Variants in SESTD1 observed in about 807,000 individuals in gnomAD.
SESTD1 encodes SEC14 and spectrin domain containing 1.
Under a neutral mutation model 101.7 loss-of-function variants are expected in SESTD1, and 43 were observed. That is an observed-to-expected ratio of 0.42 (90% CI 0.33 to 0.55). The LOEUF (loss-of-function observed/expected upper bound fraction) is 0.55, where lower values mean the gene tolerates loss of function less well. Ranked by LOEUF, SESTD1 falls within the 20% of genes least tolerant of loss-of-function variation. SESTD1 has a pLI of 0.07. For synonymous variants in SESTD1, 283 were observed against 286.8 expected (o/e 0.99, Z 0.13); for missense variants, 647 against 815.1 (o/e 0.79, Z 2.51).
intron 1 of SESTD1, among the ~76,000 whole-genome samples, chr2:179,257,487 CAG>C (rs1005869847): frequency 5.3e-5 from 8 of 152,186 alleles, no homozygotes; most frequent in African/African-American, 1.9e-4. Flanking sequence ...CACTGAGAAA[CAG>C]AAAATCGTGT....
chr2:179,112,706 TAAG>T lies in SESTD1; in HGVS notation c.1961+15_1961+17del, dbSNP rs746395876. On this transcript the variant is annotated intron_variant, in intron 17 of 17. Coordinates refer to ENST00000428443, the MANE Select transcript of SESTD1 (RefSeq NM_178123.5). The stretch of plus-strand genomic sequence containing the variant: ...ACCACACCAATAAAAAATAAAATTA[TAAG>T]AACATGCCCCATACCCATCAGGATA... 7.0e-6 allele frequency: 11 copies of T among 1,571,782 alleles called. No homozygotes were observed. The Admixed American group carries it at 2.3e-4, about 32-fold the overall frequency.
chr2:179,260,852 T>G (rs1043572298), intron 1 of SESTD1, among the ~76,000 whole-genome samples: 2 of 152,156 alleles, frequency 1.3e-5, no homozygotes, highest in African/African-American at 2.4e-5. Flanking sequence ...TGTCTGTATG[T>G]ATGGTAAAAT....
At chr2:179,235,697 G>A (rs2047056359) in intron 1 of SESTD1, among the ~76,000 whole-genome samples, 2 of 152,026 alleles carry the variant, frequency 1.3e-5, no homozygotes, top group African/African-American at 4.8e-5. Context: ...CCGCCTTTAC[G>A]CACTTGCAAA....
intron 9 of SESTD1, among the ~76,000 whole-genome samples, chr2:179,138,290 T>C (rs1431456836): frequency 6.6e-6 from 1 of 152,192 alleles, no homozygotes; most frequent in Non-Finnish European, 1.5e-5. Context: ...TGTCTTTCTG[T>C]CATAATCACT....
chr2:179,115,535 G>A (rs186004361), intron 15 of SESTD1, among the ~76,000 whole-genome samples: 110 of 152,074 alleles, frequency 7.2e-4, no homozygotes, highest in Non-Finnish European at 1.4e-3. Flanking sequence ...ATTGCTTGAA[G>A]TTAGGAGTTC....
chr2:179,135,179 G>A (rs2045111611), intron 9 of SESTD1, among the ~76,000 whole-genome samples: 1 of 151,992 alleles, frequency 6.6e-6, no homozygotes, highest in Non-Finnish European at 1.5e-5. Context: ...TCCTGACCTC[G>A]TGATGCACCT....
At chr2:179,220,145 C>T (rs1051406541) in intron 1 of SESTD1, among the ~76,000 whole-genome samples, 1 of 152,000 alleles carries the variant, frequency 6.6e-6, no homozygotes, top group African/African-American at 2.4e-5. Context: ...ACTTAAAAAC[C>T]CTTTTCAAAA....
intron 5 of SESTD1, among the ~76,000 whole-genome samples, chr2:179,171,040 C>T (rs1242139505): frequency 6.6e-6 from 1 of 152,142 alleles, no homozygotes; most frequent in Non-Finnish European, 1.5e-5. Context: ...CTTGTGAGTA[C>T]AGAAACAGTT....
rs1169029194 is a variant in SESTD1 at position 179,124,361 on chromosome 2, T to C, written c.1167+3A>G. The C allele has an allele frequency of 6.2e-7, 1 of 1,613,184 alleles. No homozygotes were observed. The highest frequency in any genetic ancestry group is 1.1e-5 in the South Asian group (1 of 90,984). ...AAAGAAAAGAATCAGAATAGACACT[T>C]ACATCTTGGGCAACACCATGAAATT... On this transcript the variant is annotated splice_donor_region_variant and intron_variant, in intron 11 of 17. Transcript: ENST00000428443.
At position 179,112,740 on chromosome 2, in the gene SESTD1, C is replaced by T. The variant is rs143992866; in HGVS notation, c.1945G>A (p.Val649Ile). 2.0e-5 allele frequency: 32 copies of T among 1,612,238 alleles called. 1 individual carries two copies. The highest frequency in any genetic ancestry group is 1.2e-4 in the South Asian group (11 of 90,984). Reference sequence around the variant, plus strand: ...GCCCCATACCCATCAGGATAAACTACTGGAACAGTTAATCTATCCAAAAGT... The same window carrying T: ...GCCCCATACCCATCAGGATAAACTATTGGAACAGTTAATCTATCCAAAAGT... ...KSLLDRLTVP[V>I]VYPDGTEQYF... The change falls in exon 17 of 18, where the codon GTA becomes ATA. Residue 649 changes from valine to isoleucine, a missense_variant. By Grantham distance (29) the Val-to-Ile change is conservative. Around this residue, in one of 3 missense-constraint regions of SESTD1, gnomAD observed 476 missense variants for 562.6 expected, o/e 0.85. Coordinates refer to ENST00000428443, the MANE Select transcript of SESTD1 (RefSeq NM_178123.5).
intron 10 of SESTD1, among the ~76,000 whole-genome samples, chr2:179,125,486 G>T (rs752484336): frequency 6.6e-5 from 10 of 152,158 alleles, no homozygotes; most frequent in Non-Finnish European, 1.5e-4. Flanking sequence ...AGCCGAACAT[G>T]GGTAGACTAA....
rs1380743097 is a variant in SESTD1 at position 179,149,372 on chromosome 2, T to A, written c.506A>T (p.Glu169Val). 1 of 1,604,744 alleles carries A rather than the reference T, an allele frequency of 6.2e-7. No homozygotes were observed. Among genetic ancestry groups the A allele is most frequent in the East Asian group, 2.2e-5 (1 of 44,516 alleles). ...AAGTTCATCTAATAATGATGTAGAT[T>A]CCTTTGTAAACTTCTCAAAAACCTA... Reference protein sequence around the residue: ...KRLVFEKFTKESTSLLDELAL... With the variant: ...KRLVFEKFTKVSTSLLDELAL... The change falls in exon 7 of 18, where the codon GAA becomes GTA. Residue 169 changes from glutamate to valine, a missense_variant. Around this residue, in one of 3 missense-constraint regions of SESTD1, gnomAD observed 168 missense variants for 235.1 expected, o/e 0.71. Transcript: ENST00000428443.
intron 2 of SESTD1, among the ~76,000 whole-genome samples, chr2:179,186,654 A>G (rs983272026): frequency 3.3e-5 from 5 of 151,332 alleles, no homozygotes; most frequent in African/African-American, 4.9e-5. Context: ...ACAGAACAGG[A>G]TAAGTATCAG....
At chr2:179,219,764 G>GC (rs1289876095) in intron 1 of SESTD1, among the ~76,000 whole-genome samples, 1 of 152,132 alleles carries the variant, frequency 6.6e-6, no homozygotes, top group Non-Finnish European at 1.5e-5. Flanking sequence ...ATCTGGTTTT[G>GC]CAACAATATT....
chr2:179,174,172 C>A (rs1460456676), intron 4 of SESTD1, among the ~76,000 whole-genome samples: 1 of 151,996 alleles, frequency 6.6e-6, no homozygotes, highest in East Asian at 1.9e-4. Context: ...GAAACCACAC[C>A]CCTCATTTTA....
chr2:179,188,495 G>T (rs963522301), intron 2 of SESTD1, among the ~76,000 whole-genome samples: 19 of 152,118 alleles, frequency 1.2e-4, no homozygotes, highest in African/African-American at 4.3e-4. Flanking sequence ...AAAATTGGCT[G>T]AGTATGGTGG....
intron 2 of SESTD1, among the ~76,000 whole-genome samples, chr2:179,183,968 T>A (rs1352315301): frequency 1.3e-5 from 2 of 152,004 alleles, no homozygotes; most frequent in Non-Finnish European, 2.9e-5. Context: ...AAGAGTATTC[T>A]GTGATGAGGA....
chr2:179,255,150 C>A (rs1277935370), intron 1 of SESTD1, among the ~76,000 whole-genome samples: 5 of 152,088 alleles, frequency 3.3e-5, no homozygotes, highest in Non-Finnish European at 2.9e-5. Flanking sequence ...CCAGGAGACA[C>A]AATAATACTG....
intron 3 of SESTD1, among the ~76,000 whole-genome samples, chr2:179,181,673 T>C (rs1030837234): frequency 2.6e-5 from 4 of 152,284 alleles, no homozygotes; most frequent in African/African-American, 7.2e-5. Context: ...CCTCAGAGTT[T>C]CAATTTCCTC....
Sources: gnomAD v4.1 joint callset for allele counts (sites outside exome capture counted in the v4.1 genomes callset) on GRCh38, gnomAD v4.1.1 for gene constraint, gnomAD v4.1.1 regional missense constraint, MANE v1.5 for transcripts, NCBI Gene and HGNC (gene_info 2026-07-23, HGNC 2026-07-21) for gene names.